Variants in TERF1 observed in about 807,000 individuals in gnomAD.
TERF1 encodes the protein telomeric repeat binding factor 1.
In TERF1, 20 loss-of-function variants were observed where a neutral mutation model predicts 55.1. The ratio of observed to expected loss-of-function variants is 0.36; its 90% CI spans 0.26 to 0.53. The LOEUF (loss-of-function observed/expected upper bound fraction) is 0.53. TERF1 is among the 20% of genes least tolerant of loss of function. The pLI is 0.91. For missense variants in TERF1, 439 were observed against 535.7 expected, an observed-to-expected ratio of 0.82 and a Z score of 1.78; for synonymous variants, 168 against 181.2, an observed-to-expected ratio of 0.93 and a Z score of 0.59.
intron 7 of TERF1, 70 bp downstream of exon 7, chr8:73,030,465 TA>T: frequency 1.0e-6 from 1 of 989,132 alleles, no homozygotes; most frequent in Non-Finnish European, 1.4e-6. Flanking sequence ...GCAGACCTAA[TA>T]AAAACTACCA....
At position 73,047,328 on chromosome 8, in the gene TERF1, G is replaced by GAAT. The variant is rs1810082654; in HGVS notation, c.*1193_*1195dup. ...TTTAAACTTTGACAAAAATGGTTTT[G>GAAT]AATAGATCTTTATAACCTGATGCCA... On this transcript the variant is annotated 3_prime_UTR_variant, in exon 10 of 10. Transcript: ENST00000276603. 6.6e-6 allele frequency: 1 copy of GAAT among 151,962 alleles called. No homozygotes were observed. Among genetic ancestry groups the GAAT allele is most frequent in the Admixed American group, 6.6e-5 (1 of 15,252 alleles). 9.4% of individuals were successfully genotyped at this position (151,962 alleles called of 1,614,324 possible).
chr8:73,014,766 C>A (rs1206795941), intron 2 of TERF1, among the ~76,000 whole-genome samples: 1 of 152,194 alleles, frequency 6.6e-6, no homozygotes, highest in African/African-American at 2.4e-5. Context: ...TGTATTAGCA[C>A]CACTGTCAAG....
intron 8 of TERF1, among the ~76,000 whole-genome samples, chr8:73,035,421 ATTT>A (rs747567226): frequency 2.8e-5 from 4 of 144,232 alleles, no homozygotes; most frequent in South Asian, 2.2e-4. Context: ...TGCTTCGTAG[ATTT>A]TTTTTTTTTT....
rs3837159 is a variant in TERF1 at position 73,028,631 on chromosome 8, TG to T, written c.887+1580del. 1.1e-3 allele frequency among the ~76,000 whole-genome samples: 157 copies of T among 139,564 alleles called. 4 individuals are homozygous for T. The East Asian group carries it at 0.027, about 24-fold the overall frequency. The allele number at this position is 139,564 out of a possible 152,430, so 91.6% of individuals were successfully genotyped here. A position where few individuals can be genotyped will look rare whatever the true frequency, so the allele number is the denominator to read the frequency against. ...TTATCCCTAAGCATGAACTCCTCCC[TG>T]TCCACATACATGGTACTTTCTAGCA... On this transcript the variant is annotated intron_variant, in intron 6 of 9. Transcript: ENST00000276603.
intron 1 of TERF1, 159 bp from the exon 2 acceptor site, chr8:73,013,736 C>CTT (rs747922847): frequency 1.2e-5 from 7 of 566,286 alleles, no homozygotes; most frequent in African/African-American, 3.9e-5. Context: ...CATTGCTATT[C>CTT]TTTTTTTTTG....
At chr8:73,038,897 A>G (rs1376760472) in intron 8 of TERF1, 1 of 532,036 alleles carries the variant, frequency 1.9e-6, no homozygotes, top group East Asian at 4.4e-5. Context: ...TTATTTAAAG[A>G]CATATAAAAG....
chr8:73,013,991 G>A lies in TERF1; in HGVS notation c.415+1G>A. 1 of 1,587,566 alleles carries A rather than the reference G, an allele frequency of 6.3e-7. No individual in the cohort carries two copies. Among genetic ancestry groups the A allele is most frequent in the Non-Finnish European group, 8.6e-7 (1 of 1,159,542 alleles). Reference sequence around the variant, plus strand: ...AGAATTGCAGCAGGAAAAACCCTTGGTAAATATGTTTTTTTATTTTATATT... The same window carrying A: ...AGAATTGCAGCAGGAAAAACCCTTGATAAATATGTTTTTTTATTTTATATT... On this transcript the variant is annotated splice_donor_variant, in intron 2 of 9. Transcript: ENST00000276603. LOFTEE classifies it high-confidence loss of function.
chr8:73,018,015 C>T (rs186377579), intron 2 of TERF1, among the ~76,000 whole-genome samples: 26 of 152,168 alleles, frequency 1.7e-4, no homozygotes, highest in Non-Finnish European at 2.9e-4. Context: ...GGCCATGCAT[C>T]AATATTTTTC....
chr8:73,038,858 G>T, intron 8 of TERF1: 1 of 593,930 alleles, frequency 1.7e-6, no homozygotes, highest in Non-Finnish European at 2.2e-6. Context: ...ACAGATAATG[G>T]AAAGACAGGT....
intron 8 of TERF1, among the ~76,000 whole-genome samples, chr8:73,037,758 T>TATAGTATAATATATATATTATATATAA (rs1266193906): frequency 5.3e-5 from 4 of 75,096 alleles, no homozygotes; most frequent in African/African-American, 2.4e-4. Context: ...ATATATAATA[T>TATAGTATAATATATATATTATATATAA]TATATAGTAT....
chr8:73,009,282 T>G, intron 1 of TERF1, 77 bp downstream of exon 1: 3 of 1,086,022 alleles, frequency 2.8e-6, no homozygotes, highest in Non-Finnish European at 3.9e-6. Context: ...AGAGGGCTGG[T>G]TCCCTACGTC....
At chr8:73,034,764 A>G (rs1809436323) in intron 8 of TERF1, among the ~76,000 whole-genome samples, 1 of 139,808 alleles carries the variant, frequency 7.2e-6, no homozygotes, top group African/African-American at 2.6e-5. Flanking sequence ...CCTCAAAACA[A>G]CCTTATGAGA....
intron 8 of TERF1, among the ~76,000 whole-genome samples, chr8:73,034,145 G>C (rs373630464): frequency 1.6e-5 from 2 of 129,016 alleles, no homozygotes; most frequent in South Asian, 2.5e-4. Context: ...TTGTTTGTTT[G>C]TTTTGAGATG....
intron 9 of TERF1, 147 bp downstream of exon 9, chr8:73,039,366 G>T (rs796311061): frequency 3.6e-6 from 2 of 560,588 alleles, no homozygotes; most frequent in Non-Finnish European, 6.3e-6. Context: ...TCTTAGATAG[G>T]TGACTAATCA....
chr8:73,033,316 G>A (rs924639542), intron 8 of TERF1, among the ~76,000 whole-genome samples: 22 of 152,062 alleles, frequency 1.4e-4, no homozygotes, highest in African/African-American at 5.1e-4. Flanking sequence ...GCTTAATGTT[G>A]GTGGAGTTCC....
chr8:73,016,800 C>T (rs1380890147), intron 2 of TERF1, among the ~76,000 whole-genome samples: 1 of 152,136 alleles, frequency 6.6e-6, no homozygotes, highest in East Asian at 1.9e-4. Context: ...CTCTAGTTTC[C>T]AGTCGACGTG....
At chr8:73,025,982 C>T (rs1325480242) in intron 5 of TERF1, among the ~76,000 whole-genome samples, 1 of 150,740 alleles carries the variant, frequency 6.6e-6, no homozygotes, top group African/African-American at 2.4e-5. Flanking sequence ...ATCGCTTGAT[C>T]CCAGGAGTTT....
intron 4 of TERF1, 107 bp downstream of exon 4, chr8:73,022,409 A>G (rs1808803041): frequency 1.6e-6 from 1 of 628,528 alleles, no homozygotes; most frequent in Non-Finnish European, 2.6e-6. Context: ...TTTAAACAGT[A>G]TAGAATAATA....
At chr8:73,037,375 A>G (rs904971466) in intron 8 of TERF1, among the ~76,000 whole-genome samples, 1 of 125,436 alleles carries the variant, frequency 8.0e-6, no homozygotes, top group Non-Finnish European at 1.6e-5. Context: ...TGTGGATTCA[A>G]CCAACCTTGG....
Sources: allele counts gnomAD v4.1 joint callset (sites outside exome capture counted in the v4.1 genomes callset), GRCh38; gene constraint gnomAD v4.1.1; transcripts MANE v1.5; gene names NCBI Gene and HGNC (gene_info 2026-07-23, HGNC 2026-07-21).